ICA1L: variants seen among roughly 807,000 people sequenced by gnomAD.
ICA1L encodes the protein islet cell autoantigen 1 like, also known as islet cell autoantigen 1-like protein.
ICA1L carries 50 observed loss-of-function variants against 61.3 expected under a neutral mutation model. The ratio of observed to expected loss-of-function variants is 0.82; its 90% confidence interval spans 0.65 to 1.03. The LOEUF (loss-of-function observed/expected upper bound fraction) is 1.03, where lower values mean the gene tolerates loss of function less well. ICA1L is among the 50% of genes least tolerant of loss of function. The pLI, the probability that ICA1L is intolerant of heterozygous loss-of-function variation, is 0.00. For synonymous variants in ICA1L, 161 were observed against 191.3 expected, an observed-to-expected ratio of 0.84 and a Z score of 1.31; for missense variants, 508 against 556.7, an observed-to-expected ratio of 0.91 and a Z score of 0.88.
chr2:202,789,940 G>T (rs1692697236), intron 10 of ICA1L, among the ~76,000 whole-genome samples: 1 of 152,134 alleles, frequency 6.6e-6, no homozygotes, highest in African/African-American at 2.4e-5. Context: ...TCATAGCCAA[G>T]TCCCCAAGCA....
chr2:202,788,385 C>G (rs1425189417), intron 11 of ICA1L, among the ~76,000 whole-genome samples: 2 of 152,060 alleles, frequency 1.3e-5, no homozygotes, highest in Non-Finnish European at 2.9e-5. Flanking sequence ...CAAAGTGACC[C>G]CCAAGGTGCA....
Position 202,775,709 on chromosome 2 carries a change from G to A in ICA1L, c.*3824C>T, listed in dbSNP as rs574195856. ...AATTTTTATATTTTTCATAGAGATG[G>A]GGTTTCACCATGTTGGCCAGGGTGG... is the stretch of plus-strand genomic sequence containing the variant. On this transcript the variant is annotated 3_prime_UTR_variant, in exon 13 of 13. Transcript: ENST00000358299. 1 of 152,280 alleles carries A rather than the reference G, an allele frequency of 6.6e-6. No individual in the cohort carries two copies. Among genetic ancestry groups the A allele is most frequent in the African/African-American group, 2.4e-5 (1 of 41,552 alleles). The allele number at this position is 152,280 out of a possible 1,614,324, so 9.4% of individuals were successfully genotyped here. A position where few individuals can be genotyped will look rare whatever the true frequency, so the allele number is the denominator to read the frequency against.
At chr2:202,848,979 C>T (rs1694539884) in intron 1 of ICA1L, among the ~76,000 whole-genome samples, 1 of 152,008 alleles carries the variant, frequency 6.6e-6, no homozygotes, top group Admixed American at 6.6e-5. Context: ...GGGTACAGCC[C>T]ACGGAGGGCA....
rs1040351045 is a variant in ICA1L, at chr2:202,871,724, C to T, written c.-113G>A. The T allele has an allele frequency of 6.5e-6, 1 of 152,686 alleles. No individual in the cohort carries two copies. The highest frequency in any genetic ancestry group is 2.4e-5 in the African/African-American group (1 of 41,458). 9.5% of individuals were successfully genotyped at this position (152,686 alleles called of 1,614,324 possible). A position where few individuals can be genotyped will look rare whatever the true frequency, so the allele number is the denominator to read the frequency against. On this transcript the variant is annotated 5_prime_UTR_variant, in exon 1 of 13. Transcript: ENST00000358299. ...GAGCCCCGCGCCGACTCCCGGCCCT[C>T]CGGCAGCCAGTGCCCCTCCGCACCA... is the stretch of plus-strand genomic sequence containing the variant.
At chr2:202,829,044 T>A (rs1464469195) in intron 1 of ICA1L, 28 bp from the exon 2 acceptor site, 2 of 1,510,546 alleles carry the variant, frequency 1.3e-6, no homozygotes, top group African/African-American at 2.8e-5. Context: ...AAATTAAACT[T>A]CTTTTAAAAA....
chr2:202,797,391 A>T (rs1692964878), intron 9 of ICA1L, among the ~76,000 whole-genome samples: 1 of 152,294 alleles, frequency 6.6e-6, no homozygotes, highest in East Asian at 1.9e-4. Flanking sequence ...CTACAATTTT[A>T]TTATTGTTTA....
chr2:202,797,323 A>G (rs1287309583), intron 9 of ICA1L, among the ~76,000 whole-genome samples: 3 of 152,070 alleles, frequency 2.0e-5, no homozygotes, highest in Non-Finnish European at 2.9e-5. Context: ...CCTGATCTCC[A>G]TGCCTTGACA....
intron 1 of ICA1L, among the ~76,000 whole-genome samples, chr2:202,836,795 C>CTA (rs777890841): frequency 0.015 from 883 of 58,810 alleles, 6 homozygotes; most frequent in Non-Finnish European, 0.031. Context: ...GTGTGTATAT[C>CTA]TATATATATA....
chr2:202,835,712 A>C (rs987003008), intron 1 of ICA1L, among the ~76,000 whole-genome samples: 1 of 148,276 alleles, frequency 6.7e-6, no homozygotes, highest in Non-Finnish European at 1.5e-5. Context: ...CACCTGGCTA[A>C]TTTTTTTTTT....
chr2:202,860,225 T>C (rs968989247), intron 1 of ICA1L: 2 of 150,802 alleles, frequency 1.3e-5, no homozygotes, highest in East Asian at 3.9e-4. Context: ...TAAACTACGA[T>C]CATGCCACTG....
intron 1 of ICA1L, chr2:202,829,364 A>AAAAC (rs1246380128): frequency 6.3e-6 from 1 of 159,164 alleles, no homozygotes; most frequent in Admixed American, 6.4e-5. Context: ...ACAAAAACAA[A>AAAAC]AAACAAACAA....
chr2:202,803,148 C>G (rs941537199), intron 9 of ICA1L, among the ~76,000 whole-genome samples: 2 of 152,116 alleles, frequency 1.3e-5, no homozygotes, highest in East Asian at 3.9e-4. Context: ...TGGCTCACAC[C>G]TGTAGTCCCA....
At chr2:202,802,903 A>C (rs563813134) in intron 9 of ICA1L, among the ~76,000 whole-genome samples, 1 of 152,304 alleles carries the variant, frequency 6.6e-6, no homozygotes, top group African/African-American at 2.4e-5. Context: ...ATGAAAAAAA[A>C]CCTCAAATAG....
chr2:202,840,436 G>A, intron 1 of ICA1L: 1 of 493,366 alleles, frequency 2.0e-6, no homozygotes. Context: ...TGAAGGAGAT[G>A]GAGCCCATGC....
At chr2:202,828,562 T>C (rs1574360008) in intron 2 of ICA1L, among the ~76,000 whole-genome samples, 1 of 152,190 alleles carries the variant, frequency 6.6e-6, no homozygotes, top group South Asian at 2.1e-4. Context: ...TGGTCTCAAC[T>C]GGGAATGTAA....
At chr2:202,815,494 A>C (rs749443706) in intron 7 of ICA1L, among the ~76,000 whole-genome samples, 15 of 152,184 alleles carry the variant, frequency 9.9e-5, no homozygotes, top group Admixed American at 9.8e-4. Flanking sequence ...TCTAACTTCT[A>C]ATACTGTCAG....
rs1435624932 is a variant in ICA1L, at chr2:202,870,799, AT to A, written c.-8+819del. 4 of 152,230 alleles carry A rather than the reference AT, an allele frequency of 2.6e-5. No homozygotes were observed. In the East Asian group the frequency reaches 7.7e-4, roughly 29 times the overall value. 9.4% of individuals were successfully genotyped at this position (152,230 alleles called of 1,614,324 possible). On this transcript the variant is annotated intron_variant, in intron 1 of 12. Transcript: ENST00000358299. ...TATGCTGTGTGCATCAAGATCATCT[AT>A]TACACGAAAAATGATTCCACCCCCT...
intron 2 of ICA1L, among the ~76,000 whole-genome samples, chr2:202,827,594 A>G (rs1693884738): frequency 6.6e-6 from 1 of 152,214 alleles, no homozygotes; most frequent in African/African-American, 2.4e-5. Context: ...TACACTGAAT[A>G]TAAAACATGT....
intron 9 of ICA1L, among the ~76,000 whole-genome samples, chr2:202,805,123 A>G (rs967172316): frequency 2.0e-5 from 3 of 152,206 alleles, no homozygotes; most frequent in African/African-American, 2.4e-5. Context: ...AAGACCACAT[A>G]TTAGATGATT....
Sources: gnomAD v4.1 joint callset for allele counts (sites outside exome capture counted in the v4.1 genomes callset) on GRCh38, gnomAD v4.1.1 for gene constraint, MANE v1.5 for transcripts, NCBI Gene and HGNC (gene_info 2026-07-23, HGNC 2026-07-21) for gene names.